The following FAT4 variants were observed in gnomAD, a reference collection of about 807,000 sequenced individuals.
The protein encoded by FAT4 is protocadherin Fat 4.
A neutral mutation model predicts 303.9 loss-of-function variants in FAT4; 84 were observed. The observed-to-expected ratio is 0.28, with a 90% CI of 0.23 to 0.33. The LOEUF (loss-of-function observed/expected upper bound fraction) is 0.33, where lower values mean the gene tolerates loss of function less well. FAT4 is among the 10% of genes least tolerant of loss of function. FAT4 has a pLI of 1.00. For missense variants in FAT4, 6,005 were observed against 6,146.8 expected, an observed-to-expected ratio of 0.98 and a Z score of 0.77; for synonymous variants, 2,307 against 2,298.8, an observed-to-expected ratio of 1.00 and a Z score of -0.10.
chr4:125,467,148 T>C (rs1376102635), intron 11 of FAT4, among the ~76,000 whole-genome samples: 1 of 130,672 alleles, frequency 7.7e-6, no homozygotes, highest in Non-Finnish European at 1.7e-5. Context: ...AAAAGATAAA[T>C]AACACAAACT....
intron 12 of FAT4, among the ~76,000 whole-genome samples, chr4:125,470,832 A>G (rs1004519861): frequency 5.9e-5 from 9 of 152,180 alleles, no homozygotes; most frequent in African/African-American, 2.2e-4. Context: ...TAGCACCTTT[A>G]ATTTCCTTCA....
At position 125,415,570 on chromosome 4, in the gene FAT4, C is replaced by T. The variant is rs374328795; in HGVS notation, c.6607C>T (p.Arg2203Trp). 107 of 1,613,904 alleles carry T rather than the reference C, an allele frequency of 6.6e-5. No individual in the cohort carries two copies. Among genetic ancestry groups the T allele is most frequent in the Non-Finnish European group, 7.9e-5 (93 of 1,179,970 alleles). ...TAATGGTAATACCAATCAGGAATTT[C>T]GGATAGACTCTGTCACAGGTGCCAT... ...IVNGNTNQEFRIDSVTGAITV... is the reference protein window; with the variant it reads ...IVNGNTNQEFWIDSVTGAITV... Residue 2203 changes from arginine (R) to tryptophan (W), a missense_variant, in exon 6 of 18, where the codon CGG becomes TGG. Transcript: ENST00000394329.
At position 125,317,596 on chromosome 4, in the gene FAT4, C is replaced by A; in HGVS notation, c.1185C>A (p.Ser395=). The A allele has an allele frequency of 6.2e-7, 1 of 1,613,918 alleles. No homozygotes were observed. ...CTCCCGCGGCCAACGGGAACATCTC[C>A]GTGCAAATTCTCGGGGGCAATGAGC... ...ADSPAANGNI[S]VQILGGNEQR... Residue 395 remains serine (S), a synonymous_variant, in exon 2 of 18, where the codon TCC becomes TCA. Coordinates refer to ENST00000394329, the MANE Select transcript of FAT4 (RefSeq NM_001291303.3). The surrounding 1 kb of genome is among the most constrained non-coding windows in gnomAD (Gnocchi z 7.0).
At chr4:125,459,943 G>A (rs1316418387) in intron 10 of FAT4, among the ~76,000 whole-genome samples, 1 of 151,974 alleles carries the variant, frequency 6.6e-6, no homozygotes, top group Admixed American at 6.6e-5. Flanking sequence ...TTCTAATTGG[G>A]TAAAAAAGCA....
At chr4:125,478,311 A>G (rs1170532569) in intron 14 of FAT4, among the ~76,000 whole-genome samples, 2 of 152,204 alleles carry the variant, frequency 1.3e-5, no homozygotes, top group Non-Finnish European at 2.9e-5. Flanking sequence ...GTACAGAAAA[A>G]CAAAGGATTG....
chr4:125,377,108 G>T (rs1464065670), intron 2 of FAT4, among the ~76,000 whole-genome samples: 1 of 151,782 alleles, frequency 6.6e-6, no homozygotes, highest in Non-Finnish European at 1.5e-5. Flanking sequence ...TGTCATGTGG[G>T]GTTTCATATA....
In FAT4 at chr4:125,354,454, G is replaced by T. The variant is rs145739513; in HGVS notation, c.5175+32868G>T. Among the ~76,000 whole-genome samples the T allele has an allele frequency of 1.3e-3, 203 of 151,642 alleles. 1 individual carries two copies. The highest frequency in any genetic ancestry group is 4.5e-3 in the African/African-American group (188 of 41,430). On this transcript the variant is annotated intron_variant, in intron 2 of 17. Coordinates refer to ENST00000394329, the MANE Select transcript of FAT4 (RefSeq NM_001291303.3). ...ATTGTGCTTACTCAAAAATGAATTGGTTTCATTTCTTTGCTGATGGAATAT... is the reference window on the plus strand; with the variant it reads ...ATTGTGCTTACTCAAAAATGAATTGTTTTCATTTCTTTGCTGATGGAATAT...
At chr4:125,432,765 T>G (rs1260717019) in intron 7 of FAT4, among the ~76,000 whole-genome samples, 6 of 152,040 alleles carry the variant, frequency 3.9e-5, no homozygotes, top group Non-Finnish European at 8.8e-5. Context: ...ACGTCAAAAT[T>G]TTTTGACTTT....
At chr4:125,481,903 T>C (rs1046836573) in intron 16 of FAT4, among the ~76,000 whole-genome samples, 165 bp downstream of exon 16, 7 of 152,192 alleles carry the variant, frequency 4.6e-5, no homozygotes, top group Non-Finnish European at 8.8e-5. Context: ...TCCCCAGGCA[T>C]TGGCCAGAGT....
rs751366094 is a variant in FAT4 at position 125,451,954 on chromosome 4, C to T, written c.10944C>T (p.Ser3648=). The part of the protein sequence containing the change: ...VKPQDPDVLD[S]FHCSLTSGVT... The stretch of plus-strand genomic sequence containing the variant: ...CACAGGATCCAGATGTGTTAGACAG[C>T]TTCCACTGCTCCCTTACTTCAGGAG... Residue 3648 remains serine, a synonymous_variant, in exon 10 of 18, where the codon AGC becomes AGT. Transcript: ENST00000394329. 2.5e-6 allele frequency: 4 copies of T among 1,614,140 alleles called. No individual in the cohort carries two copies. Among genetic ancestry groups the T allele is most frequent in the Admixed American group, 3.3e-5 (2 of 60,026 alleles).
chr4:125,451,425 G>A lies in FAT4; in HGVS notation c.10415G>A (p.Arg3472Gln), dbSNP rs769816807. ...ATCACCGTTACTGCAGAATTAGATC[G>A]AGAAACCCTTCCCATCTATAATCTC... Reference protein sequence around the residue: ...GQITVTAELDRETLPIYNLSV... With the variant: ...GQITVTAELDQETLPIYNLSV... The change falls in exon 10 of 18, where the codon CGA becomes CAA. Residue 3472 changes from arginine (R) to glutamine (Q), a missense_variant. Physicochemically the swap from Arg to Gln is conservative, Grantham distance 43. Transcript: ENST00000394329. The A allele has an allele frequency of 6.2e-7, 1 of 1,614,088 alleles. No individual in the cohort carries two copies. Among genetic ancestry groups the A allele is most frequent in the Non-Finnish European group, 8.5e-7 (1 of 1,180,020 alleles).
rs369879572 is a variant in FAT4, at chr4:125,491,609, C to T, written c.14793C>T (p.Asn4931=). ...TAGGGCAGCAAGCAGGGACTTTCAA[C>T]TGGGACAACCTTTTGAACTGGGGCC... The part of the protein sequence containing the change: ...MKLGQQAGTF[N]WDNLLNWGPG... The change falls in exon 18 of 18, where the codon AAC becomes AAT. Residue 4931 remains asparagine (N), a synonymous_variant. Coordinates refer to ENST00000394329, the MANE Select transcript of FAT4 (RefSeq NM_001291303.3). The T allele has an allele frequency of 6.2e-7, 1 of 1,614,190 alleles. No individual in the cohort carries two copies. Among genetic ancestry groups the T allele is most frequent in the South Asian group, 1.1e-5 (1 of 91,088 alleles).
rs950349368 is a variant in FAT4, at chr4:125,492,391, G to C, written c.*623G>C. 2 of 152,312 alleles carry C rather than the reference G, an allele frequency of 1.3e-5. No individual in the cohort carries two copies. The highest frequency in any genetic ancestry group is 2.9e-5 in the Non-Finnish European group (2 of 68,182). The allele number at this position is 152,312 out of a possible 1,614,324, so 9.4% of individuals were successfully genotyped here. On this transcript the variant is annotated 3_prime_UTR_variant, in exon 18 of 18. Transcript: ENST00000394329. ...TTATAGAATTGTCTTAAAACTTCTG[G>C]ATCCTTGAGCAAATGATTATAGTCT...
rs374640692 is a variant in FAT4 at position 125,321,454 on chromosome 4, T to C, written c.5043T>C (p.Phe1681=). The change falls in exon 2 of 18, where the codon TTT becomes TTC. Residue 1681 remains phenylalanine (F), a synonymous_variant. Coordinates refer to ENST00000394329, the MANE Select transcript of FAT4 (RefSeq NM_001291303.3). ...RCEEKTVGRL[F]TIGRHTGIIQ... is the part of the protein sequence containing the mutation. ...AAGAAAAAACTGTTGGACGCCTCTTTACTATTGGACGACATACTGGTATAA... is the reference window on the plus strand; with the variant it reads ...AAGAAAAAACTGTTGGACGCCTCTTCACTATTGGACGACATACTGGTATAA... The C allele has an allele frequency of 1.9e-6, 3 of 1,614,138 alleles. No homozygotes were observed. Among genetic ancestry groups the C allele is most frequent in the Admixed American group, 1.7e-5 (1 of 60,032 alleles).
In FAT4 at chr4:125,415,785, A is replaced by C; in HGVS notation, c.6822A>C (p.Thr2274=). 1.2e-6 allele frequency: 2 copies of C among 1,611,350 alleles called. No individual in the cohort carries two copies. Among genetic ancestry groups the C allele is most frequent in the Non-Finnish European group, 8.5e-7 (1 of 1,178,176 alleles). Residue 2274 remains threonine, a synonymous_variant, in exon 6 of 18, where the codon ACA becomes ACC. Coordinates refer to ENST00000394329, the MANE Select transcript of FAT4 (RefSeq NM_001291303.3). ...YSVNVPENLG[T]LPRTILQVVA... is the part of the protein sequence containing the mutation. ...TAAATGTCCCTGAGAATTTAGGGAC[A>C]CTACCCAGAACAATTCTTCAGGTCA...
chr4:125,383,523 T>A, intron 2 of FAT4, among the ~76,000 whole-genome samples: 1 of 144,572 alleles, frequency 6.9e-6, no homozygotes. Context: ...TAGATCACCT[T>A]AATAATGAAA....
chr4:125,457,595 G>T (rs947725937), intron 10 of FAT4, among the ~76,000 whole-genome samples: 1 of 151,814 alleles, frequency 6.6e-6, no homozygotes, highest in African/African-American at 2.4e-5. Context: ...CACTTCATAT[G>T]TTTCATTATT....
At chr4:125,433,562 T>C (rs1379529373) in intron 7 of FAT4, among the ~76,000 whole-genome samples, 1 of 152,220 alleles carries the variant, frequency 6.6e-6, no homozygotes, top group African/African-American at 2.4e-5. Context: ...TTGGCAAATG[T>C]TGGGTTTTCA....
At chr4:125,394,968 T>G (rs1001661364) in intron 2 of FAT4, among the ~76,000 whole-genome samples, 1 of 152,320 alleles carries the variant, frequency 6.6e-6, no homozygotes, top group East Asian at 1.9e-4. Flanking sequence ...TAATACATAC[T>G]TGTTATGTGA....
Sources: gnomAD v4.1 joint callset for allele counts (sites outside exome capture counted in the v4.1 genomes callset) on GRCh38, gnomAD v4.1.1 for gene constraint, Gnocchi (gnomAD v3.1) non-coding constraint, MANE v1.5 for transcripts, NCBI Gene and HGNC (gene_info 2026-07-23, HGNC 2026-07-21) for gene names.